PDPK1: variants seen among roughly 807,000 people sequenced by gnomAD.
PDPK1 encodes 3-phosphoinositide-dependent protein kinase 1.
A neutral mutation model predicts 39.8 loss-of-function variants in PDPK1; 7 were observed. That is an observed-to-expected ratio of 0.18 (90% confidence interval 0.10 to 0.33). The LOEUF (loss-of-function observed/expected upper bound fraction) is 0.33, where lower values mean the gene tolerates loss of function less well. Ranked by LOEUF, PDPK1 falls within the 10% of genes least tolerant of loss-of-function variation. The pLI is 1.00. For synonymous variants in PDPK1, 118 were observed against 159.1 expected (o/e 0.74, Z 1.95); for missense variants, 182 against 384.7 (o/e 0.47, Z 4.41).
chr16:2,541,657 G>A (rs1170651465), intron 1 of PDPK1, among the ~76,000 whole-genome samples: 3 of 152,212 alleles, frequency 2.0e-5, no homozygotes, highest in Non-Finnish European at 4.4e-5. Flanking sequence ...GCCCAGCACA[G>A]TTGTTTAGAA....
chr16:2,587,351 C>T (rs774828165), intron 11 of PDPK1, among the ~76,000 whole-genome samples: 2 of 152,208 alleles, frequency 1.3e-5, no homozygotes, highest in Non-Finnish European at 2.9e-5. Flanking sequence ...ATCTGCCTTT[C>T]CCAATGCTCT....
chr16:2,552,940 G>T (rs1194485076), intron 1 of PDPK1, among the ~76,000 whole-genome samples: 1 of 139,416 alleles, frequency 7.2e-6, no homozygotes, highest in Non-Finnish European at 1.5e-5. Context: ...GACCTGGGCA[G>T]GCCTTGGTCA....
Position 2,561,801 on chromosome 16 carries a change from AAGAGAACAAGGTCCCCTATGTAACC to A in PDPK1, c.365_389del (p.Asn122SerfsTer64). The A allele has an allele frequency of 2.9e-6, 1 of 343,468 alleles. No individual in the cohort carries two copies. The highest frequency in any genetic ancestry group is 4.8e-6 in the Non-Finnish European group (1 of 208,802). 21.3% of individuals were successfully genotyped at this position (343,468 alleles called of 1,614,324 possible). On this transcript the variant is annotated frameshift_variant, in exon 4 of 14. Transcript: ENST00000342085. LOFTEE classifies it high-confidence loss of function. ...ATTCTGGAGAAGCGACATATCATAAAAGAGAACAAGGTCCCCTATGTAACCAGAGAGCGGGATGTCATGTCGCGCC... is the reference window on the plus strand; with the variant it reads ...ATTCTGGAGAAGCGACATATCATAAAAGAGAGCGGGATGTCATGTCGCGCC...
At chr16:2,539,078 C>CTTTTTTTT (rs57517702) in intron 1 of PDPK1, 16 of 143,630 alleles carry the variant, frequency 1.1e-4, no homozygotes, top group African/African-American at 4.7e-4. Context: ...CAGGATGCGG[C>CTTTTTTTT]TTTTTTTTTT....
intron 11 of PDPK1, among the ~76,000 whole-genome samples, chr16:2,591,676 G>T (rs1269641957): frequency 6.6e-6 from 1 of 152,234 alleles, no homozygotes; most frequent in African/African-American, 2.4e-5. Flanking sequence ...CAGAGTATGG[G>T]CGCAGGTGGA....
chr16:2,591,248 G>A (rs1488559557), intron 11 of PDPK1, among the ~76,000 whole-genome samples: 9 of 152,102 alleles, frequency 5.9e-5, no homozygotes, highest in Admixed American at 5.9e-4. Context: ...GAGGCCAAAA[G>A]TCATTTGATA....
intron 1 of PDPK1, among the ~76,000 whole-genome samples, chr16:2,553,160 CTT>C (rs1188885715): frequency 7.6e-6 from 1 of 130,912 alleles, no homozygotes; most frequent in East Asian, 2.1e-4. Context: ...TTGTGAGGAG[CTT>C]TTTTTTTTAA....
intron 11 of PDPK1, 125 bp from the exon 12 acceptor site, chr16:2,595,668 C>A: frequency 1.3e-6 from 1 of 757,424 alleles, no homozygotes. Context: ...TCTGCTCATC[C>A]CAAAGTGAGG....
At chr16:2,550,159 C>T (rs552643682) in intron 1 of PDPK1, among the ~76,000 whole-genome samples, 6 of 150,094 alleles carry the variant, frequency 4.0e-5, no homozygotes, top group Admixed American at 1.4e-4. Flanking sequence ...GAGGACTAAC[C>T]ACGATAATAC....
rs189668041 is a variant in PDPK1, at chr16:2,585,005, G to A, written c.1125+1420G>A. The stretch of plus-strand genomic sequence containing the variant: ...TGCTGTTGCTGCAGAGGTTTTGCTC[G>A]CGACTGGCTGGTGGCCGTTCTCCCG... On this transcript the variant is annotated intron_variant, in intron 10 of 13. Coordinates refer to ENST00000342085, the MANE Select transcript of PDPK1 (RefSeq NM_002613.5). 9.2e-5 allele frequency among the ~76,000 whole-genome samples: 14 copies of A among 152,326 alleles called. No homozygotes were observed. In the South Asian group the frequency reaches 2.5e-3, roughly 27 times the overall value.
chr16:2,593,284 G>A lies in PDPK1; in HGVS notation c.1344-2509G>A. 5.6e-6 allele frequency: 2 copies of A among 358,158 alleles called. No homozygotes were observed. The highest frequency in any genetic ancestry group is 2.1e-5 in the South Asian group (1 of 46,796). The allele number at this position is 358,158 out of a possible 1,614,324, so 22.2% of individuals were successfully genotyped here. On this transcript the variant is annotated intron_variant, in intron 11 of 13. Transcript: ENST00000342085. The surrounding 1 kb of genome is among the most constrained non-coding windows in gnomAD (Gnocchi z 4.2). Reference sequence around the variant, plus strand: ...TTTGTGTCATTTTGTTGAGTTTTCTGTTGGGTTCCAAGCCTCTCGTGGCAC... The same window carrying A: ...TTTGTGTCATTTTGTTGAGTTTTCTATTGGGTTCCAAGCCTCTCGTGGCAC...
In PDPK1 at chr16:2,593,102, TC is replaced by T. The variant is rs1174750442; in HGVS notation, c.1344-2687del. 2.2e-6 allele frequency: 1 copy of T among 455,628 alleles called. No individual in the cohort carries two copies. Among genetic ancestry groups the T allele is most frequent in the East Asian group, 7.0e-5 (1 of 14,382 alleles). The allele number at this position is 455,628 out of a possible 1,614,324, so 28.2% of individuals were successfully genotyped here. The stretch of plus-strand genomic sequence containing the variant: ...TCCGAATCGCTTCCTCAGTGAGTCC[TC>T]CCCAGGCTGCAGGTGCCGAGCGGGA... On this transcript the variant is annotated intron_variant, in intron 11 of 13. Transcript: ENST00000342085. The surrounding 1 kb of genome is among the most constrained non-coding windows in gnomAD (Gnocchi z 4.2).
Position 2,597,058 on chromosome 16 carries a change from C to A in PDPK1, c.1402-65C>A. 1.4e-6 allele frequency: 2 copies of A among 1,387,736 alleles called. No individual in the cohort carries two copies. The highest frequency in any genetic ancestry group is 9.7e-7 in the Non-Finnish European group (1 of 1,026,338). The allele number at this position is 1,387,736 out of a possible 1,614,324, so 86.0% of individuals were successfully genotyped here. A position where few individuals can be genotyped will look rare whatever the true frequency, so the allele number is the denominator to read the frequency against. On this transcript the variant is annotated intron_variant, in intron 12 of 13. Transcript: ENST00000342085. The surrounding 1 kb of genome is among the most constrained non-coding windows in gnomAD (Gnocchi z 6.3). ...CAGCTCCGAGGGGCCGCCCAGCCCT[C>A]TAGGCTCCAGGAGATGCCGTCAGCA...
rs371727709 is a variant in PDPK1 at position 2,602,438 on chromosome 16, C to G, written c.*4671C>G. The G allele has an allele frequency of 2.1e-5, 5 of 235,248 alleles. No homozygotes were observed. The highest frequency in any genetic ancestry group is 1.1e-4 in the African/African-American group (5 of 45,334). 14.6% of individuals were successfully genotyped at this position (235,248 alleles called of 1,614,324 possible). ...CCTACGTGTGTACCTGAATTTTCCC[C>G]GTAACTCATTTCTTCCATATGAAGA... On this transcript the variant is annotated 3_prime_UTR_variant, in exon 14 of 14. Coordinates refer to ENST00000342085, the MANE Select transcript of PDPK1 (RefSeq NM_002613.5).
In PDPK1 at chr16:2,590,955, C is replaced by CT. The variant is rs1189844610; in HGVS notation, c.1343+4079dup. ...TGAGCTACTGCACCAGGCCAAAAGT[C>CT]TTTTTTTTTTTTTTTTTCTGTTTTT... On this transcript the variant is annotated intron_variant, in intron 11 of 13. Transcript: ENST00000342085. 9.9e-3 allele frequency among the ~76,000 whole-genome samples: 1,328 copies of CT among 133,930 alleles called. 12 individuals are homozygous for CT. Among genetic ancestry groups the CT allele is most frequent in the African/African-American group, 0.018 (641 of 36,550 alleles). The allele number at this position is 133,930 out of a possible 152,430, so 87.9% of individuals were successfully genotyped here. A position where few individuals can be genotyped will look rare whatever the true frequency, so the allele number is the denominator to read the frequency against.
chr16:2,545,934 G>T (rs983957318), intron 1 of PDPK1, among the ~76,000 whole-genome samples: 3 of 152,058 alleles, frequency 2.0e-5, no homozygotes, highest in Non-Finnish European at 4.4e-5. Context: ...ACAGCAACCT[G>T]GCCAGCATTT....
At chr16:2,549,979 C>T (rs1170206887) in intron 1 of PDPK1, among the ~76,000 whole-genome samples, 7 of 144,960 alleles carry the variant, frequency 4.8e-5, no homozygotes, top group Non-Finnish European at 1.0e-4. Flanking sequence ...CTCAGATGGG[C>T]GACCCCCTAC....
At chr16:2,538,708 C>T (rs2141928590) in intron 1 of PDPK1, 3 of 1,285,312 alleles carry the variant, frequency 2.3e-6, no homozygotes. Context: ...CTGTGCTCAG[C>T]GTTGTGGGAA....
rs2141955897 is a variant in PDPK1, at chr16:2,554,137, G to A, written c.25-3566G>A. Reference sequence around the variant, plus strand: ...TAAAAGTGCTTTTAAAGGCAATATTGCAACTACATTTATTTATTTATTTAT... The same window carrying A: ...TAAAAGTGCTTTTAAAGGCAATATTACAACTACATTTATTTATTTATTTAT... On this transcript the variant is annotated intron_variant, in intron 1 of 13. Transcript: ENST00000342085. The A allele has an allele frequency of 3.6e-5, 5 of 139,944 alleles. No individual in the cohort carries two copies. The South Asian group carries it at 1.2e-3, about 33-fold the overall frequency. The allele number at this position is 139,944 out of a possible 1,614,324, so 8.7% of individuals were successfully genotyped here.
Sources: gnomAD v4.1 joint callset for allele counts (sites outside exome capture counted in the v4.1 genomes callset) on GRCh38, gnomAD v4.1.1 for gene constraint, Gnocchi (gnomAD v3.1) non-coding constraint, MANE v1.5 for transcripts, NCBI Gene and HGNC (gene_info 2026-07-23, HGNC 2026-07-21) for gene names.